MYO1D: variants seen among roughly 807,000 people sequenced by gnomAD.
MYO1D encodes the protein myosin ID.
MYO1D carries 83 observed loss-of-function variants against 122.0 expected under a neutral mutation model. The observed-to-expected ratio is 0.68, with a 90% CI of 0.57 to 0.82. The LOEUF is 0.82. Among genes scored for constraint, MYO1D ranks in the 40% least tolerant of loss-of-function variants. The pLI, the probability that MYO1D is intolerant of heterozygous loss-of-function variation, is 0.00. For synonymous variants in MYO1D, 464 were observed against 446.9 expected, an observed-to-expected ratio of 1.04 and a Z score of -0.48; for missense variants, 1,157 against 1,269.5, an observed-to-expected ratio of 0.91 and a Z score of 1.35.
At chr17:32,845,047 A>G (rs576313070) in intron 1 of MYO1D, among the ~76,000 whole-genome samples, 2 of 148,446 alleles carry the variant, frequency 1.3e-5, no homozygotes, top group African/African-American at 4.9e-5. Flanking sequence ...TACCAAAGGA[A>G]AAAAAAAAAA....
At chr17:32,665,180 AAAGTTC>A (rs2150957237) in intron 16 of MYO1D, among the ~76,000 whole-genome samples, 1 of 152,250 alleles carries the variant, frequency 6.6e-6, no homozygotes, top group East Asian at 1.9e-4. Context: ...TTCTGATTTA[AAAGTTC>A]AACTTGTCTC....
intron 16 of MYO1D, among the ~76,000 whole-genome samples, chr17:32,677,756 T>A (rs1401687945): frequency 6.6e-6 from 1 of 152,080 alleles, no homozygotes; most frequent in Non-Finnish European, 1.5e-5. Flanking sequence ...CATGTCTTGA[T>A]TTCAGAAAAC....
chr17:32,565,621 G>A (rs1232657451), intron 21 of MYO1D, among the ~76,000 whole-genome samples: 1 of 152,182 alleles, frequency 6.6e-6, no homozygotes, highest in South Asian at 2.1e-4. Context: ...AACTGAGCTA[G>A]GTCATGGCCA....
intron 1 of MYO1D, among the ~76,000 whole-genome samples, chr17:32,831,549 T>C (rs1385129518): frequency 1.3e-5 from 2 of 152,238 alleles, no homozygotes; most frequent in Non-Finnish European, 2.9e-5. Context: ...GGGCTTCCAC[T>C]AATTTGTTTT....
In MYO1D at chr17:32,499,988, T is replaced by A. The variant is rs979791143; in HGVS notation, c.2865-5073A>T. On this transcript the variant is annotated intron_variant, in intron 21 of 21. Coordinates refer to ENST00000318217, the MANE Select transcript of MYO1D (RefSeq NM_015194.3). ...TGAAAAATAAAAAATAAAATAAAAA[T>A]AAAAAATAAACAACCCTACAAGTTT... 6.6e-5 allele frequency among the ~76,000 whole-genome samples: 10 copies of A among 152,076 alleles called. No individual in the cohort carries two copies. The South Asian group carries it at 1.5e-3, about 22-fold the overall frequency.
chr17:32,494,986 C>T, intron 21 of MYO1D, 71 bp from the exon 22 acceptor site: 1 of 1,471,222 alleles, frequency 6.8e-7, no homozygotes, highest in Admixed American at 2.2e-5. Context: ...CCCGGCAGCT[C>T]CCGGCCACCA....
chr17:32,720,922 C>T (rs2089502070), intron 15 of MYO1D, 101 bp downstream of exon 15: 1 of 1,238,432 alleles, frequency 8.1e-7, no homozygotes, highest in Non-Finnish European at 1.1e-6. Context: ...GTTCACCCAA[C>T]AAATATTTAT....
chr17:32,737,296 A>ATCT (rs1223565203), intron 14 of MYO1D, among the ~76,000 whole-genome samples: 2 of 152,168 alleles, frequency 1.3e-5, no homozygotes, highest in Non-Finnish European at 2.9e-5. Context: ...AAACAGACAA[A>ATCT]AGTTATCAAA....
chr17:32,799,302 G>T lies in MYO1D; in HGVS notation c.96-18518C>A, dbSNP rs532020731. ...TTTATTGCTAGATCTAACTGAGAGA[G>T]AAATTTGTGTAGGTAGATTGGTTGC... On this transcript the variant is annotated intron_variant, in intron 1 of 21. Transcript: ENST00000318217. Among the ~76,000 whole-genome samples, 18 of 152,298 alleles carry T rather than the reference G, an allele frequency of 1.2e-4. No homozygotes were observed. In the East Asian group the frequency reaches 3.5e-3, roughly 29 times the overall value.
At chr17:32,817,143 G>T (rs181887693) in intron 1 of MYO1D, among the ~76,000 whole-genome samples, 1 of 152,244 alleles carries the variant, frequency 6.6e-6, no homozygotes, top group East Asian at 1.9e-4. Flanking sequence ...TGCCCAGGTT[G>T]GTCTTGAACT....
chr17:32,524,273 C>A (rs1243555440), intron 21 of MYO1D, among the ~76,000 whole-genome samples: 2 of 152,234 alleles, frequency 1.3e-5, no homozygotes, highest in Non-Finnish European at 2.9e-5. Flanking sequence ...CCGACGTCAA[C>A]TCACTCTTCC....
At chr17:32,572,812 TCTC>T (rs986238742) in intron 21 of MYO1D, among the ~76,000 whole-genome samples, 2 of 152,068 alleles carry the variant, frequency 1.3e-5, no homozygotes, top group East Asian at 1.9e-4. Flanking sequence ...TCTCAGATCT[TCTC>T]CTTCTTCTCG....
chr17:32,861,357 C>T (rs1270394107), intron 1 of MYO1D, among the ~76,000 whole-genome samples: 1 of 152,108 alleles, frequency 6.6e-6, no homozygotes, highest in African/African-American at 2.4e-5. Flanking sequence ...TGAGCCACCG[C>T]ACCTGGCCTG....
At chr17:32,842,349 G>A (rs905483975) in intron 1 of MYO1D, among the ~76,000 whole-genome samples, 3 of 152,108 alleles carry the variant, frequency 2.0e-5, no homozygotes, top group Admixed American at 1.3e-4. Flanking sequence ...CAAGGTTTCC[G>A]AGACAGTTAA....
intron 21 of MYO1D, among the ~76,000 whole-genome samples, chr17:32,546,279 T>G (rs1004080968): frequency 5.3e-5 from 8 of 152,228 alleles, no homozygotes; most frequent in Non-Finnish European, 8.8e-5. Context: ...ATGAACTCAT[T>G]AAATCACCAA....
At chr17:32,704,120 T>C (rs904671458) in intron 16 of MYO1D, among the ~76,000 whole-genome samples, 9 of 152,164 alleles carry the variant, frequency 5.9e-5, no homozygotes, top group African/African-American at 1.7e-4. Context: ...TGAAAACTTA[T>C]ATAGTTTCTT....
At chr17:32,847,331 C>T (rs1394967327) in intron 1 of MYO1D, among the ~76,000 whole-genome samples, 2 of 152,182 alleles carry the variant, frequency 1.3e-5, no homozygotes, top group East Asian at 1.9e-4. Context: ...ATATATGCTG[C>T]TTTGTTCACA....
At chr17:32,627,006 C>T (rs2087936494) in intron 20 of MYO1D, among the ~76,000 whole-genome samples, 1 of 152,100 alleles carries the variant, frequency 6.6e-6, no homozygotes, top group African/African-American at 2.4e-5. Context: ...ATAGACATTA[C>T]TTTTTTTCTA....
chr17:32,708,763 G>A lies in MYO1D; in HGVS notation c.2121+3225C>T, dbSNP rs180995460. On this transcript the variant is annotated intron_variant, in intron 16 of 21. Transcript: ENST00000318217. ...CCACTGCCTCATGGTGAAGAAATGC[G>A]AGATCTGTCTCACAGAGAAGACTGG... is the stretch of plus-strand genomic sequence containing the variant. Among the ~76,000 whole-genome samples the A allele has an allele frequency of 7.2e-5, 11 of 152,244 alleles. No homozygotes were observed. The East Asian group carries it at 1.5e-3, about 21-fold the overall frequency.
Sources: allele counts gnomAD v4.1 joint callset (sites outside exome capture counted in the v4.1 genomes callset), GRCh38; gene constraint gnomAD v4.1.1; transcripts MANE v1.5; gene names NCBI Gene and HGNC (gene_info 2026-07-23, HGNC 2026-07-21).